SLC9C1: variants seen among roughly 807,000 people sequenced by gnomAD.
The protein encoded by SLC9C1 is sodium/hydrogen exchanger 10.
Under a neutral mutation model 140.9 loss-of-function variants are expected in SLC9C1, and 97 were observed. That is an observed-to-expected ratio of 0.69 (90% CI 0.58 to 0.82). The LOEUF is 0.82. Ranked by LOEUF, SLC9C1 falls within the 40% of genes least tolerant of loss-of-function variation. The pLI is 0.00. For missense variants in SLC9C1, 1,340 were observed against 1,389.3 expected (o/e 0.96, Z 0.56); for synonymous variants, 440 against 442.6 (o/e 0.99, Z 0.07).
intron 23 of SLC9C1, among the ~76,000 whole-genome samples, chr3:112,177,703 A>G (rs1298127448): frequency 1.4e-5 from 2 of 148,026 alleles, no homozygotes; most frequent in Non-Finnish European, 3.0e-5. Flanking sequence ...AAATAAAAGG[A>G]TGAAAAAAAT....
chr3:112,148,392 T>G (rs577762632), intron 28 of SLC9C1, among the ~76,000 whole-genome samples: 1 of 152,280 alleles, frequency 6.6e-6, no homozygotes, highest in South Asian at 2.1e-4. Context: ...CACTGGCACT[T>G]CTAATTTTTG....
At chr3:112,254,513 A>AT (rs552583200) in intron 10 of SLC9C1, among the ~76,000 whole-genome samples, 326 of 2,040 alleles carry the variant, frequency 0.16, 4 homozygotes, top group African/African-American at 0.17. Context: ...ACATGAAATA[A>AT]ATTTTTTTTA....
intron 2 of SLC9C1, among the ~76,000 whole-genome samples, chr3:112,283,494 A>AAAT (rs1553707068): frequency 4.1e-5 from 6 of 147,210 alleles, no homozygotes; most frequent in Non-Finnish European, 4.5e-5. Flanking sequence ...AAAAAAAAAA[A>AAAT]AGAATGTCTT....
intron 15 of SLC9C1, among the ~76,000 whole-genome samples, chr3:112,215,902 A>G (rs144436594): frequency 1.1e-4 from 17 of 152,370 alleles, no homozygotes; most frequent in African/African-American, 3.8e-4. Context: ...TGCTAAGTCA[A>G]TCATAAGCCA....
chr3:112,212,936 A>C (rs2078249795), intron 15 of SLC9C1, among the ~76,000 whole-genome samples: 1 of 152,244 alleles, frequency 6.6e-6, no homozygotes, highest in African/African-American at 2.4e-5. Flanking sequence ...GAAGGAAAAA[A>C]TGTAAAAGGC....
chr3:112,233,406 C>T (rs1478899110), intron 12 of SLC9C1, among the ~76,000 whole-genome samples: 1 of 152,056 alleles, frequency 6.6e-6, no homozygotes, highest in Non-Finnish European at 1.5e-5. Context: ...ACAGCCTCCT[C>T]TTTTGAATTT....
chr3:112,224,439 G>A (rs1339519457), intron 13 of SLC9C1, among the ~76,000 whole-genome samples: 1 of 151,896 alleles, frequency 6.6e-6, no homozygotes, highest in African/African-American at 2.4e-5. Context: ...CACTGTTAAA[G>A]GAACACAATA....
chr3:112,168,846 G>A, intron 25 of SLC9C1, 31 bp downstream of exon 25: 1 of 1,528,034 alleles, frequency 6.5e-7, no homozygotes, highest in Non-Finnish European at 8.8e-7. Context: ...ATGGCATATT[G>A]ATCTGAAGAC....
At chr3:112,163,361 G>A (rs1456309791) in intron 26 of SLC9C1, among the ~76,000 whole-genome samples, 2 of 148,738 alleles carry the variant, frequency 1.3e-5, no homozygotes, top group African/African-American at 4.9e-5. Context: ...TAATTGTGAT[G>A]TTAGGGTGTC....
chr3:112,258,914 G>C (rs1476738018), intron 10 of SLC9C1, among the ~76,000 whole-genome samples: 1 of 152,128 alleles, frequency 6.6e-6, no homozygotes, highest in East Asian at 1.9e-4. Context: ...GAGCAGGAGA[G>C]AGAGGGAGTC....
Position 112,161,074 on chromosome 3 carries a change from A to C in SLC9C1, c.3365-6025T>G, listed in dbSNP as rs1204533612. On this transcript the variant is annotated intron_variant, in intron 26 of 28. Transcript: ENST00000305815. ...TTGGCTGCATAAATTTCTTCTTTTG[A>C]GAAGTGTCTGTTCATGTCCTTCACC... 2.0e-5 allele frequency among the ~76,000 whole-genome samples: 3 copies of C among 151,396 alleles called. No homozygotes were observed. The East Asian group carries it at 5.9e-4, about 30-fold the overall frequency.
intron 13 of SLC9C1, among the ~76,000 whole-genome samples, chr3:112,225,358 C>A (rs1321879362): frequency 6.6e-6 from 1 of 152,060 alleles, no homozygotes; most frequent in African/African-American, 2.4e-5. Context: ...AGACTGGACT[C>A]ACAAGAAATG....
In SLC9C1 at chr3:112,167,349, T is replaced by C; in HGVS notation, c.3238-2A>G. 6.3e-7 allele frequency: 1 copy of C among 1,581,370 alleles called. No individual in the cohort carries two copies. Among genetic ancestry groups the C allele is most frequent in the Admixed American group, 1.9e-5 (1 of 53,686 alleles). On this transcript the variant is annotated splice_acceptor_variant, in intron 25 of 28. Transcript: ENST00000305815. LOFTEE classifies it high-confidence loss of function. ...TGTGAAATCTTCAATACTTTGTATC[T>C]GAAAGTTGACAGAATGCAAGTTAAT...
intron 23 of SLC9C1, among the ~76,000 whole-genome samples, chr3:112,177,477 T>C (rs2107944518): frequency 6.6e-6 from 1 of 151,412 alleles, no homozygotes; most frequent in East Asian, 1.9e-4. Flanking sequence ...CTGCAGTTTC[T>C]AGCCAAGTTA....
intron 26 of SLC9C1, among the ~76,000 whole-genome samples, chr3:112,161,986 G>A (rs6798226): frequency 7.9e-5 from 12 of 152,002 alleles, no homozygotes; most frequent in African/African-American, 1.4e-4. Flanking sequence ...GGTCCTTCAC[G>A]TCCCTTGTAA....
intron 17 of SLC9C1, among the ~76,000 whole-genome samples, chr3:112,203,292 C>T (rs548506023): frequency 6.6e-6 from 1 of 152,058 alleles, no homozygotes; most frequent in East Asian, 1.9e-4. Flanking sequence ...GTTTCTTCAT[C>T]TGAACTATTT....
At chr3:112,181,154 G>A (rs1173412035) in intron 21 of SLC9C1, among the ~76,000 whole-genome samples, 2 of 152,168 alleles carry the variant, frequency 1.3e-5, no homozygotes, top group East Asian at 3.8e-4. Flanking sequence ...ACAGAAAATA[G>A]AAATTATGAA....
intron 10 of SLC9C1, among the ~76,000 whole-genome samples, chr3:112,261,115 T>C (rs2079759652): frequency 1.3e-5 from 2 of 152,124 alleles, no homozygotes; most frequent in African/African-American, 4.8e-5. Context: ...GTTCCATTTC[T>C]CTGAAGGATC....
At chr3:112,168,305 C>T (rs1450002095) in intron 25 of SLC9C1, among the ~76,000 whole-genome samples, 2 of 149,932 alleles carry the variant, frequency 1.3e-5, no homozygotes, top group Admixed American at 6.7e-5. Context: ...CTCTGATTCT[C>T]CCCCAACACA....
Sources: allele counts gnomAD v4.1 joint callset (sites outside exome capture counted in the v4.1 genomes callset), GRCh38; gene constraint gnomAD v4.1.1; transcripts MANE v1.5; gene names NCBI Gene and HGNC (gene_info 2026-07-23, HGNC 2026-07-21).